Variants in OSBPL1A observed in about 807,000 individuals in gnomAD.
The protein encoded by OSBPL1A is oxysterol binding protein like 1A, also known as oxysterol-binding protein-related protein 1.
OSBPL1A carries 80 observed loss-of-function variants against 137.1 expected under a neutral mutation model. The observed-to-expected ratio is 0.58, with a 90% CI of 0.49 to 0.70. The LOEUF (loss-of-function observed/expected upper bound fraction) is 0.70, where lower values mean the gene tolerates loss of function less well. OSBPL1A is among the 30% of genes least tolerant of loss of function. The probability of loss-of-function intolerance (pLI) is 0.00; values close to 1 mark genes in which losing one functional copy is unlikely to be tolerated. For missense variants in OSBPL1A, 970 were observed against 1,129.4 expected, an observed-to-expected ratio of 0.86 and a Z score of 2.02; for synonymous variants, 365 against 389.7, an observed-to-expected ratio of 0.94 and a Z score of 0.75.
chr18:24,171,097 C>G (rs534755173), intron 23 of OSBPL1A, among the ~76,000 whole-genome samples: 1 of 150,480 alleles, frequency 6.6e-6, no homozygotes, highest in Non-Finnish European at 1.5e-5. Flanking sequence ...TGTGGTGGTG[C>G]GATCTCGGCT....
At chr18:24,210,160 C>T (rs898698276) in intron 17 of OSBPL1A, among the ~76,000 whole-genome samples, 2 of 152,160 alleles carry the variant, frequency 1.3e-5, no homozygotes, top group Non-Finnish European at 2.9e-5. Flanking sequence ...GGTGCAGTGG[C>T]TCACGCCTGT....
intron 15 of OSBPL1A, among the ~76,000 whole-genome samples, chr18:24,262,959 A>T (rs983662305): frequency 1.3e-5 from 2 of 152,140 alleles, no homozygotes; most frequent in Admixed American, 1.3e-4. Flanking sequence ...AACTATACGC[A>T]GTTCTTTCCT....
intron 16 of OSBPL1A, among the ~76,000 whole-genome samples, chr18:24,225,620 GTTTAAATTA>G (rs1452180850): frequency 4.9e-4 from 74 of 152,256 alleles, no homozygotes; most frequent in African/African-American, 1.7e-3. Flanking sequence ...CTTATGAGAA[GTTTAAATTA>G]CATCCAATAC....
At chr18:24,194,867 C>T (rs11659802) in intron 18 of OSBPL1A, among the ~76,000 whole-genome samples, 65,135 of 151,886 alleles carry the variant, frequency 0.43, 14,889 homozygotes, top group Non-Finnish European at 0.53. Context: ...TATCAGGCTC[C>T]GAAATTTAGA....
At chr18:24,171,323 T>A (rs963010099) in intron 23 of OSBPL1A, 86 bp downstream of exon 23, 8 of 1,054,940 alleles carry the variant, frequency 7.6e-6, no homozygotes, top group Non-Finnish European at 1.0e-5. Flanking sequence ...TGAGCCACTG[T>A]GCCCAGCCGA....
chr18:24,239,731 T>TA (rs570912567), intron 15 of OSBPL1A, among the ~76,000 whole-genome samples: 7 of 151,576 alleles, frequency 4.6e-5, no homozygotes, highest in East Asian at 1.9e-4. Context: ...AGTACACAGT[T>TA]AAAAAAAACA....
intron 7 of OSBPL1A, among the ~76,000 whole-genome samples, chr18:24,327,467 T>C (rs1013418795): frequency 3.3e-5 from 5 of 152,122 alleles, no homozygotes; most frequent in African/African-American, 1.2e-4. Flanking sequence ...TGGAGTGCAG[T>C]AGCATGATCT....
In OSBPL1A at chr18:24,315,210, A is replaced by G. The variant is rs1042046103; in HGVS notation, c.871-863T>C. ...GACTAAGCACAGTCCACATGGTGAC[A>G]GGACAGCAGCAAGGGCACATGTGGC... is the stretch of plus-strand genomic sequence containing the variant. On this transcript the variant is annotated intron_variant, in intron 11 of 27. Transcript: ENST00000319481. 3.3e-5 allele frequency among the ~76,000 whole-genome samples: 5 copies of G among 152,194 alleles called. No homozygotes were observed. The East Asian group carries it at 9.6e-4, about 29-fold the overall frequency.
intron 20 of OSBPL1A, 24 bp from the exon 21 acceptor site, chr18:24,178,219 A>AG: frequency 6.7e-7 from 1 of 1,496,810 alleles, no homozygotes; most frequent in Non-Finnish European, 9.0e-7. Context: ...AAAAAAAAAA[A>AG]AGAAAAAAAA....
chr18:24,215,623 C>A (rs1224250767), intron 17 of OSBPL1A, among the ~76,000 whole-genome samples: 6 of 152,148 alleles, frequency 3.9e-5, no homozygotes, highest in Non-Finnish European at 5.9e-5. Flanking sequence ...AACTCCGTGT[C>A]CCCTGAGGCG....
intron 7 of OSBPL1A, among the ~76,000 whole-genome samples, chr18:24,329,263 A>C (rs1437162049): frequency 3.3e-5 from 5 of 151,964 alleles, no homozygotes; most frequent in African/African-American, 4.8e-5. Context: ...AAAATTTTTA[A>C]AAGACATTAG....
intron 17 of OSBPL1A, among the ~76,000 whole-genome samples, chr18:24,220,853 C>T (rs2087866543): frequency 6.6e-6 from 1 of 151,926 alleles, no homozygotes. Context: ...CGCTTTGTCA[C>T]CCAGGCTGGT....
intron 4 of OSBPL1A, among the ~76,000 whole-genome samples, chr18:24,344,384 C>G (rs2091313601): frequency 6.6e-6 from 1 of 152,148 alleles, no homozygotes; most frequent in Admixed American, 6.6e-5. Context: ...ACCCGGGAGG[C>G]AGAGGTTGCA....
chr18:24,212,398 T>C (rs1050902769), intron 17 of OSBPL1A, among the ~76,000 whole-genome samples: 3 of 152,170 alleles, frequency 2.0e-5, no homozygotes, highest in Non-Finnish European at 4.4e-5. Context: ...CTAAGTGGGC[T>C]TAAAAATATT....
intron 6 of OSBPL1A, 44 bp downstream of exon 6, chr18:24,334,197 TAAAG>T (rs1568034910): frequency 4.6e-6 from 7 of 1,520,608 alleles, no homozygotes; most frequent in Non-Finnish European, 4.5e-6. Flanking sequence ...TCCTGAAGTG[TAAAG>T]AAAGACTGCT....
intron 11 of OSBPL1A, 60 bp downstream of exon 11, chr18:24,317,089 C>G: frequency 6.6e-7 from 1 of 1,521,702 alleles, no homozygotes. Flanking sequence ...TGATTTGGGT[C>G]AATCACTTGA....
At chr18:24,348,858 A>G (rs761044563) in intron 4 of OSBPL1A, among the ~76,000 whole-genome samples, 17 of 151,976 alleles carry the variant, frequency 1.1e-4, no homozygotes, top group Admixed American at 2.6e-4. Context: ...TCACCCCACA[A>G]TGAAGCCCAA....
chr18:24,237,344 C>G (rs983789269), intron 16 of OSBPL1A, among the ~76,000 whole-genome samples: 4 of 151,914 alleles, frequency 2.6e-5, no homozygotes, highest in Non-Finnish European at 5.9e-5. Context: ...ATTCTGTTGC[C>G]CCCAGGCTGG....
intron 15 of OSBPL1A, among the ~76,000 whole-genome samples, chr18:24,268,307 A>C (rs1305155635): frequency 3.9e-5 from 6 of 151,902 alleles, no homozygotes; most frequent in African/African-American, 1.2e-4. Flanking sequence ...TTTGGGAGAG[A>C]CAGGGTTTCA....
Sources: gnomAD v4.1 joint callset for allele counts (sites outside exome capture counted in the v4.1 genomes callset) on GRCh38, gnomAD v4.1.1 for gene constraint, MANE v1.5 for transcripts, NCBI Gene and HGNC (gene_info 2026-07-23, HGNC 2026-07-21) for gene names.